PPM1L: variants seen among roughly 807,000 people sequenced by gnomAD.
The protein encoded by PPM1L is protein phosphatase 1L.
Under a neutral mutation model 31.4 loss-of-function variants are expected in PPM1L, and 13 were observed. The ratio of observed to expected loss-of-function variants is 0.41; its 90% CI spans 0.27 to 0.66. The LOEUF is 0.66. PPM1L is among the 30% of genes least tolerant of loss of function. The pLI is 0.29. For synonymous variants in PPM1L, 184 were observed against 175.4 expected, an observed-to-expected ratio of 1.05 and a Z score of -0.39; for missense variants, 326 against 453.7, an observed-to-expected ratio of 0.72 and a Z score of 2.56.
intron 1 of PPM1L, among the ~76,000 whole-genome samples, chr3:160,851,870 C>A (rs1469490738): frequency 5.9e-5 from 9 of 152,192 alleles, no homozygotes; most frequent in Admixed American, 5.9e-4. Flanking sequence ...CCAAGACCTT[C>A]CATTGTCTTT....
At chr3:160,833,959 A>G (rs1713612064) in intron 1 of PPM1L, among the ~76,000 whole-genome samples, 1 of 151,682 alleles carries the variant, frequency 6.6e-6, no homozygotes, top group Non-Finnish European at 1.5e-5. Flanking sequence ...TATAAGGTGT[A>G]AGGAAGGGGT....
rs531342324 is a variant in PPM1L at position 161,044,559 on chromosome 3, G to T, written c.575-20844G>T. On this transcript the variant is annotated intron_variant, in intron 2 of 3. Coordinates refer to ENST00000498165, the MANE Select transcript of PPM1L (RefSeq NM_139245.4). ...GTTCAAGGTCAGTCTGGGCAACATG[G>T]TAAGATGTTGCTGAGAGATTTTGTC... 6.6e-5 allele frequency among the ~76,000 whole-genome samples: 10 copies of T among 151,822 alleles called. No individual in the cohort carries two copies. The East Asian group carries it at 2.0e-3, about 30-fold the overall frequency.
intron 1 of PPM1L, among the ~76,000 whole-genome samples, chr3:160,767,462 T>C (rs922507012): frequency 1.3e-5 from 2 of 152,120 alleles, no homozygotes; most frequent in African/African-American, 2.4e-5. Context: ...CTTGAACTCC[T>C]GAGCTCAGAT....
chr3:160,852,113 A>G (rs1386652955), intron 1 of PPM1L, among the ~76,000 whole-genome samples: 1 of 152,184 alleles, frequency 6.6e-6, no homozygotes, highest in African/African-American at 2.4e-5. Context: ...AATGTTCATG[A>G]CAAGTGTTTC....
chr3:161,022,226 C>G, intron 2 of PPM1L: 1 of 633,792 alleles, frequency 1.6e-6, no homozygotes, highest in Non-Finnish European at 2.8e-6. Flanking sequence ...CATATTAATT[C>G]TAAACTAATT....
intron 1 of PPM1L, among the ~76,000 whole-genome samples, chr3:160,878,834 A>AT (rs1712605132): frequency 1.3e-5 from 2 of 152,226 alleles, no homozygotes; most frequent in Non-Finnish European, 2.9e-5. Flanking sequence ...ATCTTTGCAC[A>AT]TTCAGTTTAA....
Position 161,069,016 on chromosome 3 carries a change from T to G in PPM1L, c.942T>G (p.Val314=). 1 of 1,614,208 alleles carries G rather than the reference T, an allele frequency of 6.2e-7. No individual in the cohort carries two copies. The highest frequency in any genetic ancestry group is 8.5e-7 in the Non-Finnish European group (1 of 1,180,032). ...LWDAFSNEEA[V]RFIKERLDEP... ...ATGCTTTCAGCAATGAAGAAGCAGT[T>G]CGATTCATCAAGGAGCGCTTGGATG... Residue 314 remains valine (V), a synonymous_variant, in exon 4 of 4, where the codon GTT becomes GTG. Coordinates refer to ENST00000498165, the MANE Select transcript of PPM1L (RefSeq NM_139245.4).
intron 2 of PPM1L, among the ~76,000 whole-genome samples, chr3:161,041,687 G>A (rs888743059): frequency 2.0e-5 from 3 of 152,258 alleles, no homozygotes; most frequent in Admixed American, 2.0e-4. Flanking sequence ...GGCGGAGCTT[G>A]CAGTGAGCTG....
intron 2 of PPM1L, among the ~76,000 whole-genome samples, chr3:161,013,100 T>G (rs1717952299): frequency 6.6e-6 from 1 of 152,204 alleles, no homozygotes; most frequent in South Asian, 2.1e-4. Context: ...TCTCTAGTTC[T>G]TTTAATTGTG....
chr3:160,899,946 A>G (rs1371963928), intron 1 of PPM1L, among the ~76,000 whole-genome samples: 1 of 152,126 alleles, frequency 6.6e-6, no homozygotes, highest in African/African-American at 2.4e-5. Flanking sequence ...AAATTATCAC[A>G]CAAGAATCTC....
chr3:160,759,647 C>T (rs113855152), intron 1 of PPM1L, among the ~76,000 whole-genome samples: 2,505 of 152,244 alleles, frequency 0.016, 62 homozygotes, highest in African/African-American at 0.057. Flanking sequence ...TAGACCTCTA[C>T]ACCAAAAATT....
intron 1 of PPM1L, among the ~76,000 whole-genome samples, chr3:160,790,503 T>C (rs1440669340): frequency 1.3e-5 from 2 of 152,072 alleles, no homozygotes; most frequent in African/African-American, 4.8e-5. Flanking sequence ...TTCAGGGAGA[T>C]GAACACCTTT....
chr3:160,925,619 C>T (rs1714560359), intron 1 of PPM1L, among the ~76,000 whole-genome samples: 1 of 152,112 alleles, frequency 6.6e-6, no homozygotes, highest in Admixed American at 6.6e-5. Context: ...CTCAACAAAT[C>T]ATAACAAGGA....
At chr3:161,024,534 A>G (rs1257030273) in intron 2 of PPM1L, among the ~76,000 whole-genome samples, 1 of 151,948 alleles carries the variant, frequency 6.6e-6, no homozygotes, top group African/African-American at 2.4e-5. Context: ...CCCCATCTCT[A>G]CTAAAAATAC....
intron 1 of PPM1L, among the ~76,000 whole-genome samples, chr3:160,812,367 G>A (rs1712839335): frequency 6.6e-6 from 1 of 152,074 alleles, no homozygotes; most frequent in East Asian, 1.9e-4. Context: ...TTAAACCATT[G>A]TTCCTTTTTC....
intron 1 of PPM1L, among the ~76,000 whole-genome samples, chr3:160,786,904 CATG>C (rs2108070715): frequency 1.3e-5 from 2 of 152,270 alleles, no homozygotes; most frequent in East Asian, 3.9e-4. Flanking sequence ...TAGCTGGATT[CATG>C]TTGCCGCAAA....
At chr3:160,761,861 C>T (rs1407576642) in intron 1 of PPM1L, among the ~76,000 whole-genome samples, 4 of 152,140 alleles carry the variant, frequency 2.6e-5, no homozygotes, top group Admixed American at 6.5e-5. Flanking sequence ...GAAACTTCCC[C>T]TTATATAATT....
rs371304114 is a variant in PPM1L, at chr3:161,046,456, C to T, written c.575-18947C>T. Among the ~76,000 whole-genome samples the T allele has an allele frequency of 2.1e-4, 32 of 152,050 alleles. No individual in the cohort carries two copies. The East Asian group carries it at 3.7e-3, about 17-fold the overall frequency. Reference sequence around the variant, plus strand: ...ATTGAGGCAATAATTAATAGCCTACCAACCAAAAAAAGTCCAGGACCAGAC... The same window carrying T: ...ATTGAGGCAATAATTAATAGCCTACTAACCAAAAAAAGTCCAGGACCAGAC... On this transcript the variant is annotated intron_variant, in intron 2 of 3. Coordinates refer to ENST00000498165, the MANE Select transcript of PPM1L (RefSeq NM_139245.4).
intron 1 of PPM1L, among the ~76,000 whole-genome samples, chr3:160,791,814 G>T (rs1490874711): frequency 6.6e-6 from 1 of 152,186 alleles, no homozygotes. Flanking sequence ...TGAATAACAA[G>T]AAGGAGCCAG....
Sources: gnomAD v4.1 joint callset for allele counts (sites outside exome capture counted in the v4.1 genomes callset) on GRCh38, gnomAD v4.1.1 for gene constraint, MANE v1.5 for transcripts, NCBI Gene and HGNC (gene_info 2026-07-23, HGNC 2026-07-21) for gene names.